Variants in WWOX observed in about 807,000 individuals in gnomAD.
The protein encoded by WWOX is WW domain-containing oxidoreductase.
WWOX carries 69 observed loss-of-function variants against 46.2 expected under a neutral mutation model. The observed-to-expected ratio is 1.49, with a 90% CI of 1.23 to 1.82. The LOEUF is 1.82. Among genes scored for constraint, WWOX ranks in the 40% most tolerant of loss-of-function variants. The pLI, the probability that WWOX is intolerant of heterozygous loss-of-function variation, is 0.00. For missense variants in WWOX, 919 were observed against 542.6 expected (o/e 1.69, Z -6.89); for synonymous variants, 359 against 202.6 (o/e 1.77, Z -6.56).
chr16:78,892,307 C>A (rs1040871546), intron 8 of WWOX: 18 of 152,162 alleles, frequency 1.2e-4, no homozygotes, highest in Admixed American at 1.0e-3. Flanking sequence ...AAAAAATGAA[C>A]CACATGCTAA....
At chr16:78,287,095 C>G (rs879829511) in intron 5 of WWOX, among the ~76,000 whole-genome samples, 5 of 152,148 alleles carry the variant, frequency 3.3e-5, no homozygotes, top group Non-Finnish European at 7.4e-5. Flanking sequence ...TAGGTCTGAC[C>G]TCAGCATTCA....
intron 8 of WWOX, among the ~76,000 whole-genome samples, chr16:78,793,313 A>T (rs1263452094): frequency 6.6e-6 from 1 of 152,146 alleles, no homozygotes; most frequent in African/African-American, 2.4e-5. Context: ...TGCCTGCCTC[A>T]GCCTCCCAGA....
chr16:79,194,580 C>T (rs2051201122), intron 8 of WWOX, among the ~76,000 whole-genome samples: 1 of 152,156 alleles, frequency 6.6e-6, no homozygotes, highest in South Asian at 2.1e-4. Context: ...TGTGGGGCCT[C>T]ACCTTACCTT....
intron 8 of WWOX, among the ~76,000 whole-genome samples, chr16:78,855,710 T>C (rs1189789063): frequency 1.3e-5 from 2 of 152,190 alleles, no homozygotes; most frequent in African/African-American, 2.4e-5. Context: ...TTTTGTTTAT[T>C]GGTTGGGGTG....
At chr16:79,071,134 C>T (rs1352364720) in intron 8 of WWOX, among the ~76,000 whole-genome samples, 1 of 152,194 alleles carries the variant, frequency 6.6e-6, no homozygotes, top group Non-Finnish European at 1.5e-5. Flanking sequence ...CTGTACATTT[C>T]CAGGCTAGCA....
At chr16:79,003,021 G>A (rs764937337) in intron 8 of WWOX, among the ~76,000 whole-genome samples, 2 of 152,182 alleles carry the variant, frequency 1.3e-5, no homozygotes, top group Non-Finnish European at 2.9e-5. Context: ...GCTCGCCAAT[G>A]CATGCCAGCC....
At chr16:79,137,292 G>A (rs535882002) in intron 8 of WWOX, among the ~76,000 whole-genome samples, 25 of 152,294 alleles carry the variant, frequency 1.6e-4, no homozygotes, top group African/African-American at 5.8e-4. Flanking sequence ...GGTATCACAT[G>A]GAGAACGAGC....
chr16:78,265,423 G>A (rs1944258332), intron 5 of WWOX, among the ~76,000 whole-genome samples: 1 of 152,124 alleles, frequency 6.6e-6, no homozygotes, highest in South Asian at 2.1e-4. Context: ...GCACACGCCT[G>A]TAATCCCAGC....
At chr16:79,031,469 C>T (rs897601007) in intron 8 of WWOX, among the ~76,000 whole-genome samples, 1 of 151,734 alleles carries the variant, frequency 6.6e-6, no homozygotes, top group Admixed American at 6.6e-5. Flanking sequence ...TTTGTGGGTC[C>T]ATGTTAATGT....
intron 5 of WWOX, 63 bp downstream of exon 5, chr16:78,164,352 G>A: frequency 7.0e-7 from 1 of 1,426,958 alleles, no homozygotes; most frequent in South Asian, 1.2e-5. Context: ...CTAACCATAT[G>A]GAGATTTCAG....
intron 8 of WWOX, among the ~76,000 whole-genome samples, chr16:78,837,534 G>T (rs548492692): frequency 7.2e-5 from 11 of 152,204 alleles, no homozygotes; most frequent in African/African-American, 2.6e-4. Context: ...CTCAGGAGTG[G>T]GATACTTTTT....
chr16:78,960,751 C>A (rs775515720), intron 8 of WWOX, among the ~76,000 whole-genome samples: 7 of 152,140 alleles, frequency 4.6e-5, no homozygotes, highest in Non-Finnish European at 1.0e-4. Context: ...CCAAAAGGAG[C>A]CTATGTAGCT....
intron 8 of WWOX, among the ~76,000 whole-genome samples, chr16:79,119,219 TAAAC>T (rs1049922627): frequency 2.6e-5 from 4 of 151,984 alleles, no homozygotes; most frequent in Non-Finnish European, 4.4e-5. Context: ...ACTAATATGA[TAAAC>T]AAACAAATGG....
intron 8 of WWOX, among the ~76,000 whole-genome samples, chr16:78,547,337 GA>G (rs1167935209): frequency 1.3e-5 from 2 of 152,004 alleles, no homozygotes; most frequent in East Asian, 1.9e-4. Flanking sequence ...ATTTACAGAT[GA>G]AAAAAATGAG....
At position 78,794,626 on chromosome 16, in the gene WWOX, C is replaced by G. The variant is rs1009850598; in HGVS notation, c.1056+361874C>G. 3.3e-5 allele frequency among the ~76,000 whole-genome samples: 5 copies of G among 152,250 alleles called. No individual in the cohort carries two copies. The East Asian group carries it at 9.6e-4, about 29-fold the overall frequency. ...AAGTACCATCTTCATGTGGTCAGCA[C>G]AATGGCTGACACATAGCAAGACCTT... On this transcript the variant is annotated intron_variant, in intron 8 of 8. Transcript: ENST00000566780.
chr16:79,075,155 T>C (rs1383032215), intron 8 of WWOX, among the ~76,000 whole-genome samples: 1 of 152,204 alleles, frequency 6.6e-6, no homozygotes, highest in Non-Finnish European at 1.5e-5. Flanking sequence ...CCAACTGAAT[T>C]AGAATCTCTG....
chr16:78,897,976 T>C (rs1247047617), intron 8 of WWOX: 1 of 121,766 alleles, frequency 8.2e-6, no homozygotes, highest in African/African-American at 4.1e-5. Context: ...TGTGAACTGC[T>C]TGTTTATGTA....
intron 5 of WWOX, among the ~76,000 whole-genome samples, chr16:78,321,402 A>ATG (rs769488241): frequency 2.4e-5 from 3 of 125,356 alleles, no homozygotes; most frequent in Non-Finnish European, 3.4e-5. Flanking sequence ...ACGTATATAT[A>ATG]CGTATATATA....
chr16:78,389,537 G>A (rs750858036), intron 6 of WWOX, among the ~76,000 whole-genome samples: 2 of 152,160 alleles, frequency 1.3e-5, no homozygotes, highest in African/African-American at 4.8e-5. Context: ...TGGGCCATAC[G>A]TGGAAAATAT....
Sources: allele counts gnomAD v4.1 joint callset (sites outside exome capture counted in the v4.1 genomes callset), GRCh38; gene constraint gnomAD v4.1.1; transcripts MANE v1.5; gene names NCBI Gene and HGNC (gene_info 2026-07-23, HGNC 2026-07-21).